ANTXR2: variants seen among roughly 807,000 people sequenced by gnomAD.
The protein encoded by ANTXR2 is anthrax toxin receptor 2.
In ANTXR2, 44 loss-of-function variants were observed where a neutral mutation model predicts 73.7. The observed-to-expected ratio is 0.60, with a 90% CI of 0.47 to 0.77. The LOEUF (loss-of-function observed/expected upper bound fraction) is 0.77. Among genes scored for constraint, ANTXR2 ranks in the 30% least tolerant of loss-of-function variants. ANTXR2 has a pLI of 0.00. For synonymous variants in ANTXR2, 217 were observed against 205.9 expected (o/e 1.05, Z -0.46); for missense variants, 604 against 592.5 (o/e 1.02, Z -0.20).
chr4:79,911,378 CAAAT>C (rs1400413753), intron 16 of ANTXR2, among the ~76,000 whole-genome samples: 1 of 151,936 alleles, frequency 6.6e-6, no homozygotes, highest in East Asian at 1.9e-4. Context: ...ACTTTTATAA[CAAAT>C]AATACGAGTG....
chr4:80,059,950 T>C (rs774441744), intron 3 of ANTXR2, among the ~76,000 whole-genome samples: 1 of 152,174 alleles, frequency 6.6e-6, no homozygotes, highest in Admixed American at 6.5e-5. Context: ...CAACTAACAA[T>C]GAAGGCATAA....
At chr4:79,937,744 C>T (rs1478811719) in intron 16 of ANTXR2, among the ~76,000 whole-genome samples, 1 of 152,052 alleles carries the variant, frequency 6.6e-6, no homozygotes. Flanking sequence ...CGAATAGGAA[C>T]AGCTCCGGTC....
At chr4:79,917,270 G>A (rs1402344155) in intron 16 of ANTXR2, among the ~76,000 whole-genome samples, 1 of 152,068 alleles carries the variant, frequency 6.6e-6, no homozygotes, top group Non-Finnish European at 1.5e-5. Flanking sequence ...CCTTCTCAAA[G>A]GGAATAGAAG....
intron 16 of ANTXR2, among the ~76,000 whole-genome samples, chr4:79,911,280 A>T (rs1478382512): frequency 6.6e-6 from 1 of 152,186 alleles, no homozygotes; most frequent in African/African-American, 2.4e-5. Context: ...AAGCAATATA[A>T]AATAGCTTGA....
At chr4:80,045,403 C>CGGG (rs1733473575) in intron 7 of ANTXR2, among the ~76,000 whole-genome samples, 4 of 151,642 alleles carry the variant, frequency 2.6e-5, no homozygotes, top group Admixed American at 2.6e-4. Flanking sequence ...TAAATATTCA[C>CGGG]CTCAGCAAGA....
At position 79,977,716 on chromosome 4, in the gene ANTXR2, G is replaced by T; in HGVS notation, c.1348-15C>A. On this transcript the variant is annotated splice_polypyrimidine_tract_variant and intron_variant, in intron 15 of 16. Transcript: ENST00000403729. Reference sequence around the variant, plus strand: ...TCAAGACGACCCTAAGGGAAAATGAGATTTGTGAATTCCCAGAGAATGTAC... The same window carrying T: ...TCAAGACGACCCTAAGGGAAAATGATATTTGTGAATTCCCAGAGAATGTAC... The T allele has an allele frequency of 6.4e-7, 1 of 1,560,160 alleles. No homozygotes were observed.
intron 12 of ANTXR2, among the ~76,000 whole-genome samples, chr4:80,006,752 T>A (rs2110053709): frequency 6.6e-6 from 1 of 152,246 alleles, no homozygotes; most frequent in South Asian, 2.1e-4. Context: ...AAAACCCATA[T>A]TTGAGCACAT....
chr4:80,026,921 G>A (rs1040597785), intron 10 of ANTXR2, among the ~76,000 whole-genome samples: 1 of 152,090 alleles, frequency 6.6e-6, no homozygotes, highest in African/African-American at 2.4e-5. Context: ...TTAGGATGAA[G>A]AGGCAATGCA....
At chr4:80,054,454 A>T in intron 6 of ANTXR2, 102 bp from the exon 7 acceptor site, 1 of 818,254 alleles carries the variant, frequency 1.2e-6, no homozygotes, top group Non-Finnish European at 1.9e-6. Flanking sequence ...AAATTACCCC[A>T]CAGGATTAAT....
chr4:79,986,649 C>T lies in ANTXR2; in HGVS notation c.1042-1786G>A, dbSNP rs148948453. On this transcript the variant is annotated intron_variant, in intron 12 of 16. Coordinates refer to ENST00000403729, the MANE Select transcript of ANTXR2 (RefSeq NM_058172.6). ...ATTTGTCTGCACCTCACACCATCGC[C>T]CCACTAGTGTGCACTCTCTGGTGGC... Among the ~76,000 whole-genome samples the T allele has an allele frequency of 5.1e-4, 78 of 152,252 alleles. 1 individual carries two copies. The highest frequency in any genetic ancestry group is 1.9e-3 in the African/African-American group (77 of 41,528).
chr4:80,017,042 C>A (rs1175694715), intron 11 of ANTXR2, among the ~76,000 whole-genome samples: 19 of 152,234 alleles, frequency 1.2e-4, no homozygotes, highest in African/African-American at 4.8e-5. Context: ...CCAGAGTGAT[C>A]CTTTCAAAAC....
At chr4:79,956,048 G>A (rs767352198) in intron 16 of ANTXR2, among the ~76,000 whole-genome samples, 15 of 152,124 alleles carry the variant, frequency 9.9e-5, no homozygotes, top group Non-Finnish European at 1.9e-4. Flanking sequence ...AGGGATGGAA[G>A]TTGCAGTATA....
Position 80,040,178 on chromosome 4 carries a change from C to T in ANTXR2, c.637-4146G>A, listed in dbSNP as rs1035733066. On this transcript the variant is annotated intron_variant, in intron 7 of 16. Coordinates refer to ENST00000403729, the MANE Select transcript of ANTXR2 (RefSeq NM_058172.6). ...CAGCTATTGGGTACTATGTTCAGTA[C>T]CTGGGTGATGGGATCAACTGGACCC... Among the ~76,000 whole-genome samples, 6 of 151,886 alleles carry T rather than the reference C, an allele frequency of 4.0e-5. No homozygotes were observed. The South Asian group carries it at 1.2e-3, about 32-fold the overall frequency.
chr4:79,978,704 T>A (rs1729753570), intron 14 of ANTXR2, among the ~76,000 whole-genome samples: 1 of 152,236 alleles, frequency 6.6e-6, no homozygotes, highest in South Asian at 2.1e-4. Context: ...TTAAGTGATA[T>A]GCCCAAAGCC....
At chr4:79,962,872 C>T (rs1457442231) in intron 16 of ANTXR2, among the ~76,000 whole-genome samples, 9 of 152,058 alleles carry the variant, frequency 5.9e-5, no homozygotes, top group Non-Finnish European at 7.4e-5. Flanking sequence ...CCCAGGCTAT[C>T]AATATACATA....
chr4:80,040,689 A>T (rs1305026186), intron 7 of ANTXR2, among the ~76,000 whole-genome samples: 1 of 152,000 alleles, frequency 6.6e-6, no homozygotes, highest in Non-Finnish European at 1.5e-5. Flanking sequence ...AGTCATGCAC[A>T]CACTAAATGC....
intron 9 of ANTXR2, 104 bp downstream of exon 9, chr4:80,033,368 T>C (rs1732787849): frequency 1.3e-6 from 1 of 761,948 alleles, no homozygotes; most frequent in Non-Finnish European, 2.1e-6. Flanking sequence ...TCTTCTTAGA[T>C]TAAAAAATAT....
At chr4:79,959,790 G>A (rs1185244523) in intron 16 of ANTXR2, among the ~76,000 whole-genome samples, 3 of 152,176 alleles carry the variant, frequency 2.0e-5, no homozygotes, top group South Asian at 2.1e-4. Context: ...GGGTCAAAGC[G>A]GAAAATTCAT....
intron 7 of ANTXR2, among the ~76,000 whole-genome samples, chr4:80,050,505 A>C (rs938949328): frequency 3.3e-5 from 5 of 151,700 alleles, no homozygotes; most frequent in Admixed American, 2.0e-4. Context: ...GCTTTCTACC[A>C]AATGATTTAA....
Sources: gnomAD v4.1 joint callset for allele counts (sites outside exome capture counted in the v4.1 genomes callset) on GRCh38, gnomAD v4.1.1 for gene constraint, MANE v1.5 for transcripts, NCBI Gene and HGNC (gene_info 2026-07-23, HGNC 2026-07-21) for gene names.